Variants in FHL2 observed in about 807,000 individuals in gnomAD.
FHL2 encodes four and a half LIM domains protein 2.
In FHL2, 20 loss-of-function variants were observed where a neutral mutation model predicts 32.7. The observed-to-expected ratio is 0.61, with a 90% confidence interval of 0.43 to 0.89. The LOEUF is 0.89. FHL2 is among the 40% of genes least tolerant of loss of function. FHL2 has a pLI of 0.00. For missense variants in FHL2, 311 were observed against 358.6 expected, an observed-to-expected ratio of 0.87 and a Z score of 1.07; for synonymous variants, 123 against 128.1, an observed-to-expected ratio of 0.96 and a Z score of 0.27.
At chr2:105,396,947 A>C (rs1166896735) in intron 1 of FHL2, 1 of 453,864 alleles carries the variant, frequency 2.2e-6, no homozygotes, top group African/African-American at 2.0e-5. Flanking sequence ...TGCCTGAGTC[A>C]CTGAGGCTGA....
intron 1 of FHL2, among the ~76,000 whole-genome samples, chr2:105,424,157 A>G (rs751608805): frequency 1.3e-5 from 2 of 152,230 alleles, no homozygotes; most frequent in Non-Finnish European, 2.9e-5. Flanking sequence ...TCCAGAATCT[A>G]CAAGAACTTA....
At chr2:105,401,236 T>C (rs114700853), upstream of FHL2, among the ~76,000 whole-genome samples, 1,756 of 152,254 alleles carry the variant, frequency 0.012, 45 homozygotes, top group African/African-American at 0.04. Context: ...ACATATATTT[T>C]TCTTTTCTTA....
intron 1 of FHL2, among the ~76,000 whole-genome samples, chr2:105,419,172 C>T (rs1684025595): frequency 6.6e-6 from 1 of 152,198 alleles, no homozygotes; most frequent in African/African-American, 2.4e-5. Context: ...AAATATGTCA[C>T]ACCAGAATAT....
At chr2:105,377,616 A>G (rs560902365) in intron 3 of FHL2, 16 of 164,862 alleles carry the variant, frequency 9.7e-5, no homozygotes, top group Middle Eastern at 3.0e-3. Flanking sequence ...AGCCTGGGCA[A>G]CAAGAGTGAA....
At chr2:105,412,805 T>C (rs1348037834) in intron 1 of FHL2, among the ~76,000 whole-genome samples, 2 of 150,824 alleles carry the variant, frequency 1.3e-5, no homozygotes, top group East Asian at 2.0e-4. Flanking sequence ...GGCCAGGGGG[T>C]GCTGAGAGTG....
At chr2:105,433,045 G>C (rs1684483761) in intron 1 of FHL2, among the ~76,000 whole-genome samples, 1 of 152,204 alleles carries the variant, frequency 6.6e-6, no homozygotes, top group African/African-American at 2.4e-5. Context: ...CTGTGTGCAG[G>C]TTACAGTGCT....
intron 2 of FHL2, among the ~76,000 whole-genome samples, chr2:105,396,347 T>C (rs550296306): frequency 6.6e-6 from 1 of 152,230 alleles, no homozygotes; most frequent in African/African-American, 2.4e-5. Flanking sequence ...AAAGGACCAA[T>C]GTCCCAGCTC....
chr2:105,402,989 A>G (rs780079629), upstream of FHL2, among the ~76,000 whole-genome samples: 3 of 152,230 alleles, frequency 2.0e-5, no homozygotes, highest in Non-Finnish European at 4.4e-5. Context: ...TGTTCTATCT[A>G]TGACTACTAT....
chr2:105,395,250 A>C (rs1488198539), intron 2 of FHL2, among the ~76,000 whole-genome samples: 2 of 152,256 alleles, frequency 1.3e-5, no homozygotes, highest in East Asian at 3.8e-4. Flanking sequence ...ACACGCTAGA[A>C]TGGCGGGTGG....
At chr2:105,395,383 C>T (rs1303278747) in intron 2 of FHL2, among the ~76,000 whole-genome samples, 3 of 152,200 alleles carry the variant, frequency 2.0e-5, no homozygotes, top group African/African-American at 2.4e-5. Flanking sequence ...ACGAAAACCA[C>T]CCACTCTTCT....
chr2:105,437,983 C>T (rs1397685432), intron 1 of FHL2, among the ~76,000 whole-genome samples: 1 of 152,138 alleles, frequency 6.6e-6, no homozygotes, highest in Non-Finnish European at 1.5e-5. Context: ...AGTTCAAGTG[C>T]ACTGTGGTTT....
chr2:105,425,579 C>T (rs1436859394), intron 1 of FHL2, among the ~76,000 whole-genome samples: 1 of 151,666 alleles, frequency 6.6e-6, no homozygotes, highest in Non-Finnish European at 1.5e-5. Flanking sequence ...CTGAATGTCT[C>T]GGTGTAAAAC....
At chr2:105,434,837 G>A (rs910306860) in intron 1 of FHL2, among the ~76,000 whole-genome samples, 1 of 151,336 alleles carries the variant, frequency 6.6e-6, no homozygotes, top group African/African-American at 2.4e-5. Context: ...CAAACTCCTG[G>A]GCTCAACCAA....
At chr2:105,366,568 C>T (rs1233306357) in intron 5 of FHL2, among the ~76,000 whole-genome samples, 6 of 152,150 alleles carry the variant, frequency 3.9e-5, no homozygotes, top group South Asian at 2.1e-4. Flanking sequence ...ATAAGAATTG[C>T]GTGTGTCTAA....
intron 4 of FHL2, among the ~76,000 whole-genome samples, chr2:105,368,383 G>A (rs1282791069): frequency 6.6e-6 from 1 of 152,118 alleles, no homozygotes; most frequent in African/African-American, 2.4e-5. Flanking sequence ...CCAGGCTGGA[G>A]TGCAGTGGTG....
chr2:105,416,112 A>T (rs992202271), intron 1 of FHL2, among the ~76,000 whole-genome samples: 1 of 152,216 alleles, frequency 6.6e-6, no homozygotes, highest in African/African-American at 2.4e-5. Flanking sequence ...TATGTAGGTT[A>T]TATCTATTAT....
At chr2:105,395,819 G>A (rs1046053577) in intron 2 of FHL2, among the ~76,000 whole-genome samples, 3 of 152,146 alleles carry the variant, frequency 2.0e-5, no homozygotes, top group African/African-American at 4.8e-5. Context: ...ACCATATGAC[G>A]GGAGGATCTT....
chr2:105,374,998 T>C (rs940966120), intron 3 of FHL2, among the ~76,000 whole-genome samples: 7 of 152,208 alleles, frequency 4.6e-5, no homozygotes, highest in African/African-American at 1.4e-4. Context: ...TCTCTGTTAC[T>C]GAAACCGAAG....
At chr2:105,398,046 A>T (rs1489601770) in intron 1 of FHL2, among the ~76,000 whole-genome samples, 2 of 152,064 alleles carry the variant, frequency 1.3e-5, no homozygotes, top group Non-Finnish European at 2.9e-5. Flanking sequence ...CCAAATTGTG[A>T]TTTATTACCT....
Sources: allele counts gnomAD v4.1 joint callset (sites outside exome capture counted in the v4.1 genomes callset), GRCh38; gene constraint gnomAD v4.1.1; transcripts MANE v1.5; gene names NCBI Gene and HGNC (gene_info 2026-07-23, HGNC 2026-07-21).